The following CACNA1C variants were observed in gnomAD, a reference collection of about 807,000 sequenced individuals.
CACNA1C encodes the protein voltage-dependent L-type calcium channel subunit alpha-1C.
CACNA1C carries 30 observed loss-of-function variants against 229.0 expected under a neutral mutation model. The observed-to-expected ratio is 0.13, with a 90% CI of 0.10 to 0.18. The LOEUF is 0.18. Ranked by LOEUF, CACNA1C falls within the 10% of genes least tolerant of loss-of-function variation. The probability of loss-of-function intolerance (pLI) is 1.00; values close to 1 mark genes in which losing one functional copy is unlikely to be tolerated. For missense variants in CACNA1C, 1,658 were observed against 2,845.0 expected, an observed-to-expected ratio of 0.58 and a Z score of 9.49; for synonymous variants, 1,114 against 1,132.5, an observed-to-expected ratio of 0.98 and a Z score of 0.33.
At chr12:2,173,840 A>T (rs937032328) in intron 3 of CACNA1C, among the ~76,000 whole-genome samples, 6 of 152,106 alleles carry the variant, frequency 3.9e-5, no homozygotes, top group Non-Finnish European at 7.4e-5. Flanking sequence ...TAGGCACCAG[A>T]TGTGTCCTGC....
At chr12:2,174,376 T>C (rs2096584486) in intron 3 of CACNA1C, among the ~76,000 whole-genome samples, 1 of 152,188 alleles carries the variant, frequency 6.6e-6, no homozygotes, top group South Asian at 2.1e-4. Flanking sequence ...TCTAGGTACT[T>C]TGAATTTTTT....
rs2066212456 is a variant in CACNA1C at position 2,233,725 on chromosome 12, C to T, written c.477+113295C>T. Reference sequence around the variant, plus strand: ...GATATATACTTTGACTTGATAAGACCTCTGAAGTCTTAGCTGCTCCCTCTA... The same window carrying T: ...GATATATACTTTGACTTGATAAGACTTCTGAAGTCTTAGCTGCTCCCTCTA... On this transcript the variant is annotated intron_variant, in intron 3 of 46. Coordinates refer to ENST00000399655, the MANE Select transcript of CACNA1C (RefSeq NM_000719.7). Among the ~76,000 whole-genome samples, 3 of 152,276 alleles carry T rather than the reference C, an allele frequency of 2.0e-5. No individual in the cohort carries two copies. In the East Asian group the frequency reaches 5.8e-4, roughly 29 times the overall value.
At chr12:2,368,975 C>G (rs111990054) in intron 3 of CACNA1C, among the ~76,000 whole-genome samples, 83 of 152,222 alleles carry the variant, frequency 5.5e-4, no homozygotes, top group African/African-American at 2.0e-3. Context: ...AAACAAACAA[C>G]CAGGAAACAG....
At position 2,512,688 on chromosome 12, in the gene CACNA1C, C is replaced by T; in HGVS notation, c.1218-124C>T. 1 of 728,028 alleles carries T rather than the reference C, an allele frequency of 1.4e-6. No individual in the cohort carries two copies. Among genetic ancestry groups the T allele is most frequent in the Non-Finnish European group, 2.2e-6 (1 of 456,548 alleles). 45.1% of individuals were successfully genotyped at this position (728,028 alleles called of 1,614,324 possible). The stretch of plus-strand genomic sequence containing the variant: ...AGTAGGGGCGTGTGGGCAGGTTTCT[C>T]CCTGCAAAGCAATTAAGACTCTTGT... On this transcript the variant is annotated intron_variant, in intron 8 of 46. Coordinates refer to ENST00000399655, the MANE Select transcript of CACNA1C (RefSeq NM_000719.7). This position sits in a 1 kb window ranked among gnomAD's most constrained non-coding sequence, Gnocchi z 4.3.
intron 4 of CACNA1C, among the ~76,000 whole-genome samples, chr12:2,451,102 G>A (rs1038244366): frequency 4.6e-5 from 7 of 152,180 alleles, no homozygotes; most frequent in Non-Finnish European, 8.8e-5. Context: ...GATACGAGGT[G>A]CACTAAGGTT....
intron 3 of CACNA1C, among the ~76,000 whole-genome samples, chr12:2,384,789 T>C (rs1209543025): frequency 6.6e-6 from 1 of 152,196 alleles, no homozygotes; most frequent in Non-Finnish European, 1.5e-5. Flanking sequence ...AGCAAGGCAT[T>C]GCAAGAGGCC....
At chr12:1,992,970 C>T in intron 1 of CACNA1C, 1 of 604,720 alleles carries the variant, frequency 1.7e-6, no homozygotes, top group Non-Finnish European at 2.9e-6. Context: ...ACTTGCCTCA[C>T]CCAGCCCTGC....
rs751241336 is a variant in CACNA1C at position 2,029,733 on chromosome 12, G to A, written c.139+58532G>A. Among the ~76,000 whole-genome samples the A allele has an allele frequency of 6.6e-6, 1 of 152,176 alleles. No homozygotes were observed. The highest frequency in any genetic ancestry group is 1.5e-5 in the Non-Finnish European group (1 of 68,038). On this transcript the variant is annotated intron_variant, in intron 1 of 46. Coordinates refer to the CACNA1C transcript ENST00000682462. The surrounding 1 kb of genome is among the most constrained non-coding windows in gnomAD (Gnocchi z 4.9). ...CTGTTTCTTTCCACCCCACAACTTG[G>A]TCATTAGTAAGGGGCTAACACTGTG...
At chr12:2,281,168 A>ACC (rs1350375417) in intron 3 of CACNA1C, among the ~76,000 whole-genome samples, 1 of 138,008 alleles carries the variant, frequency 7.2e-6, no homozygotes, top group Non-Finnish European at 1.5e-5. Flanking sequence ...TTGTTACTAA[A>ACC]CCCCTTCACA....
At chr12:2,297,249 G>A (rs756741610) in intron 3 of CACNA1C, among the ~76,000 whole-genome samples, 3 of 152,208 alleles carry the variant, frequency 2.0e-5, no homozygotes, top group Non-Finnish European at 2.9e-5. Flanking sequence ...CACTGCAGGA[G>A]CTGTGTTAGT....
rs1390119758 is a variant in CACNA1C, at chr12:2,632,191, AAAC to A, written c.3829-2105_3829-2103del. On this transcript the variant is annotated intron_variant, in intron 29 of 46. Transcript: ENST00000399655. The surrounding 1 kb of genome is among the most constrained non-coding windows in gnomAD (Gnocchi z 4.1). ...CTTGTCCCCTTCGCAGACCATTTCT[AAAC>A]TAAAGGCGTGAATGTTTTTTCTTAA... Among the ~76,000 whole-genome samples the A allele has an allele frequency of 6.6e-6, 1 of 152,140 alleles. No individual in the cohort carries two copies. The highest frequency in any genetic ancestry group is 6.5e-5 in the Admixed American group (1 of 15,272).
At chr12:1,977,753 C>CTAAG (rs1360726183) in intron 1 of CACNA1C, among the ~76,000 whole-genome samples, 1 of 152,150 alleles carries the variant, frequency 6.6e-6, no homozygotes, top group African/African-American at 2.4e-5. Context: ...AAAATGCATT[C>CTAAG]TAAGTATAGT....
At chr12:2,236,709 A>C (rs571226269) in intron 3 of CACNA1C, among the ~76,000 whole-genome samples, 7 of 152,326 alleles carry the variant, frequency 4.6e-5, no homozygotes, top group African/African-American at 1.7e-4. Flanking sequence ...TCACAAAAGC[A>C]GAATCACCAT....
chr12:2,431,039 G>A (rs755317095), intron 3 of CACNA1C, among the ~76,000 whole-genome samples: 8 of 152,300 alleles, frequency 5.3e-5, no homozygotes, highest in South Asian at 2.1e-4. Context: ...CTTCATTGAC[G>A]GGTGGCCATG....
intron 3 of CACNA1C, among the ~76,000 whole-genome samples, chr12:2,339,957 T>TA (rs1300138701): frequency 2.7e-5 from 4 of 150,010 alleles, no homozygotes; most frequent in African/African-American, 9.9e-5. Context: ...ATATATTTTT[T>TA]TAAAAAAGAA....
intron 21 of CACNA1C, among the ~76,000 whole-genome samples, chr12:2,598,932 C>T (rs944408283): frequency 1.3e-5 from 2 of 152,142 alleles, no homozygotes; most frequent in African/African-American, 2.4e-5. Context: ...GGAGAGGGAA[C>T]CGAAAGTTGC....
rs193090343 is a variant in CACNA1C, at chr12:2,379,827, C to T, written c.478-69149C>T. On this transcript the variant is annotated intron_variant, in intron 3 of 46. Coordinates refer to ENST00000399655, the MANE Select transcript of CACNA1C (RefSeq NM_000719.7). The stretch of plus-strand genomic sequence containing the variant: ...CGGGCGGATCACGAGGTCAGGAGAT[C>T]GAGACCATCCCGGCTAAAACGGTGA... Among the ~76,000 whole-genome samples the T allele has an allele frequency of 9.4e-3, 1,428 of 151,352 alleles. 10 individuals carry two copies. Among genetic ancestry groups the T allele is most frequent in the Non-Finnish European group, 0.015 (1,004 of 67,822 alleles).
Position 2,601,934 on chromosome 12 carries a change from C to T in CACNA1C, c.2934C>T (p.Ser978=). 1 of 1,613,074 alleles carries T rather than the reference C, an allele frequency of 6.2e-7. No homozygotes were observed. The highest frequency in any genetic ancestry group is 8.5e-7 in the Non-Finnish European group (1 of 1,179,062). The change falls in exon 22 of 47, where the codon AGC becomes AGT. Residue 978 remains serine, a synonymous_variant. Transcript: ENST00000399655. The surrounding 1 kb of genome is among the most constrained non-coding windows in gnomAD (Gnocchi z 5.9). ...ACATCCTGGACCTGCTGGTGGTCAG[C>T]GTGTCCCTCATCTCCTTTGGCATCC... is the stretch of plus-strand genomic sequence containing the variant. ...YFNILDLLVV[S]VSLISFGIQS...
In CACNA1C at chr12:2,651,886, C is replaced by T. The variant is rs1011189002; in HGVS notation, c.4074+118C>T. On this transcript the variant is annotated intron_variant, in intron 32 of 46. Coordinates refer to ENST00000399655, the MANE Select transcript of CACNA1C (RefSeq NM_000719.7). The surrounding 1 kb of genome is among the most constrained non-coding windows in gnomAD (Gnocchi z 5.4). ...GGGCCCTGCTCCTTCCTCTGTGTGG[C>T]AGAACTCGGCCGCTCTGCCTGGCTC... The T allele has an allele frequency of 3.8e-6, 3 of 784,196 alleles. No homozygotes were observed. Among genetic ancestry groups the T allele is most frequent in the Non-Finnish European group, 5.9e-6 (3 of 508,018 alleles). 48.6% of individuals were successfully genotyped at this position (784,196 alleles called of 1,614,324 possible).
Sources: allele counts gnomAD v4.1 joint callset (sites outside exome capture counted in the v4.1 genomes callset), GRCh38; gene constraint gnomAD v4.1.1; non-coding constraint Gnocchi (gnomAD v3.1); transcripts MANE v1.5; gene names NCBI Gene and HGNC (gene_info 2026-07-23, HGNC 2026-07-21).